ABCC9: variants seen among roughly 807,000 people sequenced by gnomAD.
ABCC9 encodes the protein ATP binding cassette subfamily C member 9, also known as ATP-binding cassette sub-family C member 9.
In ABCC9, 95 loss-of-function variants were observed where a neutral mutation model predicts 188.3. The observed-to-expected ratio is 0.50, with a 90% CI of 0.43 to 0.60. The LOEUF (loss-of-function observed/expected upper bound fraction) is 0.60. ABCC9 is among the 20% of genes least tolerant of loss of function. The pLI, the probability that ABCC9 is intolerant of heterozygous loss-of-function variation, is 0.00. For synonymous variants in ABCC9, 659 were observed against 652.7 expected, an observed-to-expected ratio of 1.01 and a Z score of -0.15; for missense variants, 1,102 against 1,876.3, an observed-to-expected ratio of 0.59 and a Z score of 7.62.
At chr12:21,844,721 TTTTTATTA>T (rs757761135) in intron 27 of ABCC9, 38 bp downstream of exon 27, 3 of 1,609,072 alleles carry the variant, frequency 1.9e-6, no homozygotes, top group Non-Finnish European at 2.6e-6. Context: ...AAAATGCATA[TTTTTATTA>T]TTTTATGTGT....
At chr12:21,847,186 A>G (rs994511143) in intron 25 of ABCC9, among the ~76,000 whole-genome samples, 2 of 152,130 alleles carry the variant, frequency 1.3e-5, no homozygotes, top group Admixed American at 1.3e-4. Flanking sequence ...ACAGCAAGCC[A>G]AGGGCACAGT....
chr12:21,842,238 G>A (rs981065252), intron 29 of ABCC9, 76 bp downstream of exon 29: 6 of 1,517,972 alleles, frequency 4.0e-6, no homozygotes, highest in Non-Finnish European at 5.4e-6. Context: ...TTGATCTGTT[G>A]TTGGCAGAAC....
chr12:21,876,052 G>C (rs1946329506), intron 16 of ABCC9, among the ~76,000 whole-genome samples: 1 of 151,624 alleles, frequency 6.6e-6, no homozygotes, highest in Non-Finnish European at 1.5e-5. Flanking sequence ...ACTCCATCTT[G>C]GAAAAATAAA....
chr12:21,868,724 T>C (rs1343979009), intron 18 of ABCC9, among the ~76,000 whole-genome samples: 1 of 152,184 alleles, frequency 6.6e-6, no homozygotes, highest in Non-Finnish European at 1.5e-5. Context: ...TCTTACCATA[T>C]CATTTAGTTT....
chr12:21,926,286 A>G (rs1430832716), intron 4 of ABCC9, among the ~76,000 whole-genome samples: 1 of 152,214 alleles, frequency 6.6e-6, no homozygotes. Context: ...CAACAAAACT[A>G]TACCTTAAAA....
intron 35 of ABCC9, among the ~76,000 whole-genome samples, chr12:21,812,669 T>C (rs1230321204): frequency 6.6e-6 from 1 of 151,868 alleles, no homozygotes; most frequent in Non-Finnish European, 1.5e-5. Flanking sequence ...TGGACACAGG[T>C]TGGGGAACAT....
chr12:21,821,586 A>G lies in ABCC9; in HGVS notation c.3670-3335T>C, dbSNP rs1034341618. Among the ~76,000 whole-genome samples, 12 of 152,248 alleles carry G rather than the reference A, an allele frequency of 7.9e-5. No homozygotes were observed. In the East Asian group the frequency reaches 2.1e-3, roughly 27 times the overall value. On this transcript the variant is annotated intron_variant, in intron 31 of 39. Transcript: ENST00000261200. ...ATGGAAATTAAACAGTAGGAGTAAT[A>G]TGAATATAAATATAATAAAGGAAAT... is the stretch of plus-strand genomic sequence containing the variant.
intron 5 of ABCC9, among the ~76,000 whole-genome samples, chr12:21,921,685 T>G (rs1033094369): frequency 2.0e-5 from 3 of 152,058 alleles, no homozygotes; most frequent in Non-Finnish European, 4.4e-5. Context: ...TATTTTCGTG[T>G]AGTAGTTTCA....
At chr12:21,822,784 C>G (rs1943130694) in intron 31 of ABCC9, among the ~76,000 whole-genome samples, 1 of 135,840 alleles carries the variant, frequency 7.4e-6, no homozygotes, top group African/African-American at 2.8e-5. Flanking sequence ...GAGTGAGACT[C>G]CGTCTCAAAA....
At position 21,843,289 on chromosome 12, in the gene ABCC9, C is replaced by A. The variant is rs917194393; in HGVS notation, c.3316-818G>T. On this transcript the variant is annotated intron_variant, in intron 28 of 39. Transcript: ENST00000261200. Reference sequence around the variant, plus strand: ...AATATCCTTTATTGAAAAATTAATCCTTTCCTTATTAAGATGCCACATTTA... The same window carrying A: ...AATATCCTTTATTGAAAAATTAATCATTTCCTTATTAAGATGCCACATTTA... Among the ~76,000 whole-genome samples, 5 of 152,038 alleles carry A rather than the reference C, an allele frequency of 3.3e-5. No homozygotes were observed. In the South Asian group the frequency reaches 6.2e-4, roughly 19 times the overall value.
intron 7 of ABCC9, among the ~76,000 whole-genome samples, chr12:21,915,253 G>GTATATAATGTGTATATGTA (rs1275124370): frequency 1.7e-4 from 22 of 128,500 alleles, no homozygotes; most frequent in East Asian, 1.2e-3. Flanking sequence ...GTGTGTGTGT[G>GTATATAATGTGTATATGTA]TGTGTGTGTA....
intron 39 of ABCC9, among the ~76,000 whole-genome samples, chr12:21,803,920 G>T (rs1314063790): frequency 1.3e-5 from 2 of 152,084 alleles, no homozygotes; most frequent in East Asian, 1.9e-4. Context: ...CAATTTTAGT[G>T]GCAGCTAACC....
At chr12:21,905,980 T>C in intron 12 of ABCC9, 146 bp downstream of exon 12, 1 of 851,644 alleles carries the variant, frequency 1.2e-6, no homozygotes. Flanking sequence ...GTGTGGCTGG[T>C]GGCTATTGGA....
In ABCC9 at chr12:21,800,324, C is replaced by T. The variant is rs1340605270; in HGVS notation, c.*720G>A. On this transcript the variant is annotated 3_prime_UTR_variant, in exon 40 of 40. Coordinates refer to ENST00000261200, the MANE Select transcript of ABCC9 (RefSeq NM_020297.4). ...TTGAACCTAATCATTCTTTGAACTT[C>T]AGTCTGGAAAAGGTACATACATTAT... 1 of 152,190 alleles carries T rather than the reference C, an allele frequency of 6.6e-6. No individual in the cohort carries two copies. Among genetic ancestry groups the T allele is most frequent in the African/African-American group, 2.4e-5 (1 of 41,450 alleles). 9.4% of individuals were successfully genotyped at this position (152,190 alleles called of 1,614,324 possible).
intron 20 of ABCC9, among the ~76,000 whole-genome samples, chr12:21,861,631 T>C (rs1945512282): frequency 6.6e-6 from 1 of 152,078 alleles, no homozygotes; most frequent in African/African-American, 2.4e-5. Context: ...GAAGTGAGTA[T>C]AAAGCACTCC....
chr12:21,857,655 C>T (rs1240933204), intron 22 of ABCC9, among the ~76,000 whole-genome samples: 2 of 152,032 alleles, frequency 1.3e-5, no homozygotes, highest in Non-Finnish European at 2.9e-5. Context: ...AAAACTTTCC[C>T]GGCTGTGAAG....
At chr12:21,920,324 T>C (rs1182255696) in intron 5 of ABCC9, among the ~76,000 whole-genome samples, 1 of 152,072 alleles carries the variant, frequency 6.6e-6, no homozygotes, top group Non-Finnish European at 1.5e-5. Flanking sequence ...ATGGCATGTT[T>C]GCTTATACAG....
intron 3 of ABCC9, among the ~76,000 whole-genome samples, chr12:21,934,580 G>A (rs959258185): frequency 2.0e-5 from 3 of 151,870 alleles, no homozygotes; most frequent in East Asian, 1.9e-4. Flanking sequence ...AATTCTGATC[G>A]TTTTCTCCCT....
At chr12:21,841,588 A>G (rs575634885) in intron 29 of ABCC9, among the ~76,000 whole-genome samples, 1 of 150,218 alleles carries the variant, frequency 6.7e-6, no homozygotes, top group Non-Finnish European at 1.5e-5. Context: ...CGAACTCCTG[A>G]CCTCACGATC....
Sources: allele counts gnomAD v4.1 joint callset (sites outside exome capture counted in the v4.1 genomes callset), GRCh38; gene constraint gnomAD v4.1.1; transcripts MANE v1.5; gene names NCBI Gene and HGNC (gene_info 2026-07-23, HGNC 2026-07-21).